Variants in MYO18A observed in about 807,000 individuals in gnomAD.
The protein encoded by MYO18A is myosin XVIIIA.
In MYO18A, 78 loss-of-function variants were observed where a neutral mutation model predicts 235.8. That is an observed-to-expected ratio of 0.33 (90% CI 0.28 to 0.40). The LOEUF (loss-of-function observed/expected upper bound fraction) is 0.40. Among genes scored for constraint, MYO18A ranks in the 10% least tolerant of loss-of-function variants. MYO18A has a pLI of 1.00. For synonymous variants in MYO18A, 977 were observed against 1,077.8 expected, an observed-to-expected ratio of 0.91 and a Z score of 1.83; for missense variants, 2,215 against 2,699.3, an observed-to-expected ratio of 0.82 and a Z score of 3.98.
intron 36 of MYO18A, 86 bp downstream of exon 36, chr17:29,090,446 G>T: frequency 8.3e-7 from 1 of 1,208,888 alleles, no homozygotes; most frequent in Non-Finnish European, 1.2e-6. Context: ...AGAGAAAAGC[G>T]CCTTCTAAAC....
chr17:29,161,499 C>A (rs1161937882), intron 2 of MYO18A, among the ~76,000 whole-genome samples: 1 of 150,058 alleles, frequency 6.7e-6, no homozygotes, highest in Non-Finnish European at 1.5e-5. Flanking sequence ...GACAGCAAGA[C>A]CCTGTCTCAA....
chr17:29,119,602 C>T (rs1352124492), intron 7 of MYO18A, among the ~76,000 whole-genome samples, 167 bp from the exon 8 acceptor site: 6 of 147,358 alleles, frequency 4.1e-5, no homozygotes, highest in Non-Finnish European at 7.4e-5. Context: ...CTCACTCTGT[C>T]ACTCAGGCTG....
Position 29,125,537 on chromosome 17 carries a change from C to G in MYO18A, c.1000-3284G>C, listed in dbSNP as rs1334498948. Among the ~76,000 whole-genome samples, 1 of 152,240 alleles carries G rather than the reference C, an allele frequency of 6.6e-6. No individual in the cohort carries two copies. Among genetic ancestry groups the G allele is most frequent in the East Asian group, 1.9e-4 (1 of 5,206 alleles). The stretch of plus-strand genomic sequence containing the variant: ...TCGGCAAGGAGTTATCAGGCCCCAC[C>G]TGGGTCTAGAGAGCCAGGTCACCAA... On this transcript the variant is annotated intron_variant, in intron 2 of 41. Transcript: ENST00000527372. The surrounding 1 kb of genome is among the most constrained non-coding windows in gnomAD (Gnocchi z 5.1).
At chr17:29,094,179 G>A (rs1355468351) in intron 30 of MYO18A, 89 bp from the exon 31 acceptor site, 5 of 915,918 alleles carry the variant, frequency 5.5e-6, no homozygotes, top group African/African-American at 1.6e-5. Flanking sequence ...AGGCTCAGGG[G>A]CCGAGAACGT....
rs113740978 is a variant in MYO18A, at chr17:29,123,099, G to A, written c.1000-846C>T. Among the ~76,000 whole-genome samples, 196 of 152,364 alleles carry A rather than the reference G, an allele frequency of 1.3e-3. 1 individual carries two copies. The highest frequency in any genetic ancestry group is 4.3e-3 in the African/African-American group (180 of 41,582). On this transcript the variant is annotated intron_variant, in intron 2 of 41. Coordinates refer to ENST00000527372, the MANE Select transcript of MYO18A (RefSeq NM_078471.4). ...CTAGAAGCCCCCAGAGGCCTCAGGA[G>A]GTCACCAACTCAGACATAAGCATTC...
At chr17:29,163,741 C>T (rs1264845064) in intron 2 of MYO18A, among the ~76,000 whole-genome samples, 1 of 152,208 alleles carries the variant, frequency 6.6e-6, no homozygotes, top group Admixed American at 6.5e-5. Context: ...GATGCCAGGC[C>T]CAGGGCCCCA....
At chr17:29,139,022 CAGCGGGGG>C (rs1446673644) in intron 2 of MYO18A, among the ~76,000 whole-genome samples, 2 of 152,200 alleles carry the variant, frequency 1.3e-5, no homozygotes, top group Non-Finnish European at 2.9e-5. Context: ...TGCTGCCAGA[CAGCGGGGG>C]AGGGGGAGAT....
chr17:29,154,951 A>G (rs1035688012), intron 2 of MYO18A, among the ~76,000 whole-genome samples: 4 of 152,200 alleles, frequency 2.6e-5, no homozygotes, highest in Admixed American at 2.6e-4. Flanking sequence ...ATGGTATCAG[A>G]CCCTTCCCCT....
At position 29,090,059 on chromosome 17, in the gene MYO18A, A is replaced by T. The variant is rs1192828704; in HGVS notation, c.5428T>A (p.Ser1810Thr). 1 of 1,613,604 alleles carries T rather than the reference A, an allele frequency of 6.2e-7. No homozygotes were observed. The highest frequency in any genetic ancestry group is 1.1e-5 in the South Asian group (1 of 90,988). ...LQSQVEFLEQSMVDKSLVSRQ... is the reference protein window; with the variant it reads ...LQSQVEFLEQTMVDKSLVSRQ... The stretch of plus-strand genomic sequence containing the variant: ...CTCACCAGGGACTTGTCCACCATGG[A>T]CTGCTCCAGGAACTCCACCTGGCTC... Residue 1810 changes from serine to threonine, a missense_variant, in exon 37 of 42, where the codon TCC (serine) becomes ACC (threonine). Ser to Thr is a moderately conservative substitution (Grantham distance 58). Transcript: ENST00000527372.
intron 2 of MYO18A, among the ~76,000 whole-genome samples, chr17:29,154,226 TGATG>T (rs2068020378): frequency 6.6e-6 from 1 of 152,092 alleles, no homozygotes; most frequent in Admixed American, 6.5e-5. Context: ...AGTTAGGTGA[TGATG>T]GATGGAGGCA....
At chr17:29,075,063 G>A in intron 41 of MYO18A, 149 bp from the exon 42 acceptor site, 1 of 864,504 alleles carries the variant, frequency 1.2e-6, no homozygotes, top group Non-Finnish European at 1.8e-6. Context: ...GGCTTACTTA[G>A]AAGATACTCA....
At chr17:29,114,136 A>G in intron 14 of MYO18A, 39 bp from the exon 15 acceptor site, 1 of 1,491,148 alleles carries the variant, frequency 6.7e-7, no homozygotes, top group Non-Finnish European at 9.2e-7. Context: ...CATGGGGGTC[A>G]CATTGTGGGG....
At chr17:29,128,917 G>A (rs1278374306) in intron 2 of MYO18A, 1 of 672,786 alleles carries the variant, frequency 1.5e-6, no homozygotes, top group Admixed American at 2.4e-5. Flanking sequence ...CATTCTAGGT[G>A]AGCCCACTGC....
intron 37 of MYO18A, among the ~76,000 whole-genome samples, chr17:29,089,229 A>G (rs1043584149): frequency 1.8e-4 from 27 of 151,354 alleles, no homozygotes; most frequent in Non-Finnish European, 3.1e-4. Flanking sequence ...TCAGGAGATC[A>G]AGACCATCCT....
intron 2 of MYO18A, among the ~76,000 whole-genome samples, chr17:29,147,100 T>C (rs144300586): frequency 2.0e-4 from 31 of 152,328 alleles, no homozygotes; most frequent in African/African-American, 4.8e-4. Flanking sequence ...GCCAGGTGAT[T>C]TGAACTCAGA....
chr17:29,107,349 G>A, intron 19 of MYO18A, 160 bp from the exon 20 acceptor site: 1 of 651,096 alleles, frequency 1.5e-6, no homozygotes, highest in Admixed American at 2.5e-5. Context: ...AAGGAGAGGG[G>A]GTAGGCAGGG....
chr17:29,118,013 A>T lies in MYO18A; in HGVS notation c.2038+32T>A. The T allele has an allele frequency of 6.4e-7, 1 of 1,560,956 alleles. No homozygotes were observed. Among genetic ancestry groups the T allele is most frequent in the Non-Finnish European group, 8.7e-7 (1 of 1,152,918 alleles). On this transcript the variant is annotated intron_variant, in intron 10 of 41. Coordinates refer to ENST00000527372, the MANE Select transcript of MYO18A (RefSeq NM_078471.4). The surrounding 1 kb of genome is among the most constrained non-coding windows in gnomAD (Gnocchi z 4.2). ...GTCCCTGTGAGGTCACCCAGGGGAC[A>T]GGCCAGCCTACTGGGACCCACTGCA...
Position 29,082,336 on chromosome 17 carries a change from A to G in MYO18A, c.6000T>C (p.Asp2000=), listed in dbSNP as rs2066141438. Residue 2000 remains aspartate, a synonymous_variant, in exon 41 of 42, where the codon GAT becomes GAC. Transcript: ENST00000527372. ...CTCACCTGGAACTCTTTAAGCTGCC[A>G]TCATCAGAAGCTGCCTTGGAAGGTC... ...NKGPSKAASD[D]GSLKSSSPTS... 6.2e-7 allele frequency: 1 copy of G among 1,613,862 alleles called. No individual in the cohort carries two copies. Among genetic ancestry groups the G allele is most frequent in the Non-Finnish European group, 8.5e-7 (1 of 1,179,872 alleles).
chr17:29,176,475 G>C (rs1229407137), intron 1 of MYO18A: 2 of 152,098 alleles, frequency 1.3e-5, no homozygotes. Context: ...AGATACTTAG[G>C]TCAGTCCTCC....
Sources: allele counts gnomAD v4.1 joint callset (sites outside exome capture counted in the v4.1 genomes callset), GRCh38; gene constraint gnomAD v4.1.1; non-coding constraint Gnocchi (gnomAD v3.1); transcripts MANE v1.5; gene names NCBI Gene and HGNC (gene_info 2026-07-23, HGNC 2026-07-21).